The following NEDD4 variants were observed in gnomAD, a reference collection of about 807,000 sequenced individuals.
NEDD4 encodes NEDD4 E3 ubiquitin protein ligase, also known as E3 ubiquitin-protein ligase NEDD4.
Under a neutral mutation model 144.9 loss-of-function variants are expected in NEDD4, and 99 were observed. The ratio of observed to expected loss-of-function variants is 0.68; its 90% CI spans 0.58 to 0.81. The LOEUF (loss-of-function observed/expected upper bound fraction) is 0.81. NEDD4 is among the 30% of genes least tolerant of loss of function. NEDD4 has a pLI of 0.00. For synonymous variants in NEDD4, 318 were observed against 350.6 expected (o/e 0.91, Z 1.04); for missense variants, 985 against 1,065.9 (o/e 0.92, Z 1.06).
intron 24 of NEDD4, among the ~76,000 whole-genome samples, chr15:55,835,535 G>A (rs12898589): frequency 0.48 from 72,404 of 150,676 alleles, 17,739 homozygotes; most frequent in African/African-American, 0.56. Context: ...GAGGCCATCC[G>A]CTTTCACAGC....
chr15:55,894,945 A>G (rs1304677045), intron 5 of NEDD4, among the ~76,000 whole-genome samples: 1 of 152,172 alleles, frequency 6.6e-6, no homozygotes, highest in African/African-American at 2.4e-5. Context: ...CCTAAACTAG[A>G]TGACTACTAA....
intron 5 of NEDD4, among the ~76,000 whole-genome samples, chr15:55,881,194 T>A (rs1025434709): frequency 3.4e-5 from 5 of 148,520 alleles, no homozygotes; most frequent in Admixed American, 6.9e-5. Context: ...CAGGCTGGAG[T>A]GCAATGGCGT....
chr15:55,946,488 A>G (rs1299400436), intron 4 of NEDD4, among the ~76,000 whole-genome samples: 1 of 152,224 alleles, frequency 6.6e-6, no homozygotes, highest in African/African-American at 2.4e-5. Flanking sequence ...CCAATACAGA[A>G]GCACCCAGAT....
chr15:55,852,724 T>TATATATATATA (rs1566910889), intron 12 of NEDD4, among the ~76,000 whole-genome samples, 181 bp from the exon 13 acceptor site: 12 of 128,764 alleles, frequency 9.3e-5, no homozygotes, highest in African/African-American at 3.4e-4. Flanking sequence ...TATATATATA[T>TATATATATATA]TTACCTTTTC....
At position 55,953,532 on chromosome 15, in the gene NEDD4, C is replaced by T. The variant is rs893187716; in HGVS notation, c.120-1943G>A. Among the ~76,000 whole-genome samples, 3 of 151,730 alleles carry T rather than the reference C, an allele frequency of 2.0e-5. No individual in the cohort carries two copies. The South Asian group carries it at 6.2e-4, about 32-fold the overall frequency. On this transcript the variant is annotated intron_variant, in intron 2 of 28. Coordinates refer to ENST00000435532, the MANE Select transcript of NEDD4 (RefSeq NM_006154.4). ...TCTTGGCTCACTGCAGCTTCTGCCTCCTGGGTTCAAGCTATTCTCCTGCCA... is the reference window on the plus strand; with the variant it reads ...TCTTGGCTCACTGCAGCTTCTGCCTTCTGGGTTCAAGCTATTCTCCTGCCA...
chr15:55,977,878 C>G (rs992730395), intron 1 of NEDD4, among the ~76,000 whole-genome samples: 1 of 152,048 alleles, frequency 6.6e-6, no homozygotes, highest in Admixed American at 6.6e-5. Context: ...CTACGTTACA[C>G]AGGTAGGAAT....
intron 5 of NEDD4, among the ~76,000 whole-genome samples, chr15:55,880,852 G>A (rs1432224140): frequency 1.3e-5 from 2 of 152,162 alleles, no homozygotes; most frequent in Non-Finnish European, 2.9e-5. Flanking sequence ...AAAGTGCCCT[G>A]CATAATACCC....
chr15:55,915,249 T>C (rs756045985), intron 5 of NEDD4: 3 of 1,508,088 alleles, frequency 2.0e-6, no homozygotes, highest in Non-Finnish European at 2.7e-6. Context: ...TATTCTCATA[T>C]AAATTAACAT....
intron 5 of NEDD4, among the ~76,000 whole-genome samples, chr15:55,919,037 A>G (rs1421455459): frequency 1.3e-5 from 2 of 152,214 alleles, no homozygotes; most frequent in Non-Finnish European, 2.9e-5. Flanking sequence ...AACATATAAA[A>G]TAATGAACTC....
At chr15:55,969,131 G>A (rs1333026103) in intron 1 of NEDD4, among the ~76,000 whole-genome samples, 4 of 152,138 alleles carry the variant, frequency 2.6e-5, no homozygotes, top group East Asian at 3.9e-4. Context: ...TTTGCGGGAC[G>A]AAGGGCAAAG....
chr15:55,977,480 A>C (rs796923105), intron 1 of NEDD4, among the ~76,000 whole-genome samples: 24 of 152,046 alleles, frequency 1.6e-4, no homozygotes, highest in African/African-American at 5.1e-4. Context: ...GTTGTTAAGC[A>C]ATGCATGACT....
rs570668785 is a variant in NEDD4 at position 55,869,249 on chromosome 15, G to C, written c.507+330C>G. Among the ~76,000 whole-genome samples, 6 of 152,276 alleles carry C rather than the reference G, an allele frequency of 3.9e-5. No individual in the cohort carries two copies. In the South Asian group the frequency reaches 1.2e-3, roughly 32 times the overall value. On this transcript the variant is annotated intron_variant, in intron 8 of 28. Transcript: ENST00000435532. ...CATAAAAGAGTTCCTAATCAGTGGA[G>C]TCTCCTCAAAATGTCCATATATTTA...
intron 5 of NEDD4, chr15:55,905,092 C>CAAAAA (rs59917604): frequency 4.1e-5 from 10 of 245,614 alleles, no homozygotes; most frequent in Admixed American, 6.4e-5. Context: ...AATTCCGTCT[C>CAAAAA]AAAAAAAAAA....
intron 5 of NEDD4, among the ~76,000 whole-genome samples, chr15:55,882,995 G>A (rs892870829): frequency 3.3e-5 from 5 of 152,166 alleles, no homozygotes; most frequent in East Asian, 1.9e-4. Context: ...AGACTCCTGC[G>A]TGGGAAGAGT....
intron 5 of NEDD4, chr15:55,905,333 T>G: frequency 2.2e-6 from 1 of 453,882 alleles, no homozygotes; most frequent in Non-Finnish European, 4.4e-6. Context: ...GAGAAACAAA[T>G]TGACCTCAGA....
intron 27 of NEDD4, among the ~76,000 whole-genome samples, chr15:55,832,217 A>T (rs1318114101): frequency 1.2e-4 from 18 of 151,520 alleles, no homozygotes; most frequent in Admixed American, 1.2e-3. Flanking sequence ...TGATCAAATA[A>T]GTTTGGGAAA....
At chr15:55,968,438 A>G (rs1312641751) in intron 1 of NEDD4, among the ~76,000 whole-genome samples, 2 of 152,170 alleles carry the variant, frequency 1.3e-5, no homozygotes, top group African/African-American at 4.8e-5. Flanking sequence ...CATGTGCAAA[A>G]TGAAAAAAAC....
rs79639088 is a variant in NEDD4 at position 55,888,924 on chromosome 15, T to C, written c.292-14916A>G. On this transcript the variant is annotated intron_variant, in intron 5 of 28. Coordinates refer to ENST00000435532, the MANE Select transcript of NEDD4 (RefSeq NM_006154.4). ...GCAAAAGAAACAAACTAGACTCCTA[T>C]TTCTCACCTTATACAAAAATCAAAT... 9.4e-4 allele frequency among the ~76,000 whole-genome samples: 143 copies of C among 152,324 alleles called. 2 individuals are homozygous for C. The highest frequency in any genetic ancestry group is 3.3e-3 in the African/African-American group (136 of 41,568).
intron 12 of NEDD4, among the ~76,000 whole-genome samples, chr15:55,853,498 C>T (rs1342732182): frequency 6.6e-6 from 1 of 152,190 alleles, no homozygotes; most frequent in East Asian, 1.9e-4. Context: ...ATGGAAGTAA[C>T]TTGTTAAGCG....
Sources: gnomAD v4.1 joint callset for allele counts (sites outside exome capture counted in the v4.1 genomes callset) on GRCh38, gnomAD v4.1.1 for gene constraint, MANE v1.5 for transcripts, NCBI Gene and HGNC (gene_info 2026-07-23, HGNC 2026-07-21) for gene names.